PCDH15: variants seen among roughly 807,000 people sequenced by gnomAD.
The protein encoded by PCDH15 is protocadherin-15.
Under a neutral mutation model 178.5 loss-of-function variants are expected in PCDH15, and 129 were observed. The observed-to-expected ratio is 0.72, with a 90% confidence interval of 0.63 to 0.84. The LOEUF (loss-of-function observed/expected upper bound fraction) is 0.84, where lower values mean the gene tolerates loss of function less well. Ranked by LOEUF, PCDH15 falls within the 40% of genes least tolerant of loss-of-function variation. PCDH15 has a pLI of 0.00. For missense variants in PCDH15, 2,230 were observed against 2,099.9 expected (o/e 1.06, Z -1.21); for synonymous variants, 800 against 732.0 (o/e 1.09, Z -1.50).
intron 2 of PCDH15, among the ~76,000 whole-genome samples, chr10:55,334,870 T>C (rs901753130): frequency 2.0e-5 from 3 of 152,192 alleles, no homozygotes; most frequent in Admixed American, 1.3e-4. Context: ...TTATACAGAG[T>C]ATGCTGAATG....
chr10:54,529,395 T>C (rs1349926625), intron 2 of PCDH15, among the ~76,000 whole-genome samples: 2 of 152,128 alleles, frequency 1.3e-5, no homozygotes, highest in African/African-American at 4.8e-5. Context: ...CTTGTTCTCA[T>C]CCTGCATTCA....
At chr10:55,525,837 A>C (rs1230951062) in intron 2 of PCDH15, among the ~76,000 whole-genome samples, 1 of 151,898 alleles carries the variant, frequency 6.6e-6, no homozygotes, top group Non-Finnish European at 1.5e-5. Flanking sequence ...ATTAAGGTGA[A>C]ATCAATAATG....
At chr10:54,937,599 T>C (rs974226204) in intron 2 of PCDH15, among the ~76,000 whole-genome samples, 2 of 151,984 alleles carry the variant, frequency 1.3e-5, no homozygotes, top group Non-Finnish European at 1.5e-5. Flanking sequence ...ATTAATCACT[T>C]GGTTTAATTT....
chr10:54,327,947 G>C (rs1397608635), intron 7 of PCDH15, among the ~76,000 whole-genome samples: 1 of 152,000 alleles, frequency 6.6e-6, no homozygotes, highest in Non-Finnish European at 1.5e-5. Context: ...TTGTACATTG[G>C]TTACAATTGA....
intron 1 of PCDH15, among the ~76,000 whole-genome samples, chr10:54,673,893 TAACACGAATAGAGTAGAA>T (rs2094728329): frequency 6.6e-6 from 1 of 152,208 alleles, no homozygotes; most frequent in African/African-American, 2.4e-5. Context: ...AACATTTATT[TAACACGAATAGAGTAGAA>T]AATGTGTACT....
At chr10:54,984,835 T>A (rs1488021175) in intron 2 of PCDH15, among the ~76,000 whole-genome samples, 1 of 152,146 alleles carries the variant, frequency 6.6e-6, no homozygotes, top group Non-Finnish European at 1.5e-5. Context: ...AGATCTTGTC[T>A]CCAAAAAAAT....
chr10:54,373,384 CTG>C (rs1313974728), intron 4 of PCDH15, among the ~76,000 whole-genome samples: 1 of 151,848 alleles, frequency 6.6e-6, no homozygotes, highest in Non-Finnish European at 1.5e-5. Context: ...AAATAAGACA[CTG>C]TGTGTTTTAG....
At chr10:54,334,197 A>T (rs1281206869) in intron 6 of PCDH15, among the ~76,000 whole-genome samples, 1 of 152,194 alleles carries the variant, frequency 6.6e-6, no homozygotes, top group Non-Finnish European at 1.5e-5. Flanking sequence ...CAGTTCAGTG[A>T]CAACAACTGT....
chr10:55,532,738 T>G lies in PCDH15; in HGVS notation c.-156+94887A>C, dbSNP rs571060814. 2.6e-5 allele frequency among the ~76,000 whole-genome samples: 4 copies of G among 152,122 alleles called. No homozygotes were observed. In the Admixed American group the frequency reaches 2.6e-4, roughly 10 times the overall value. ...ATTGGTGTCAAGATGGGAACAGGTG[T>G]TTGGCTGGAGAATTCCTGCACATCA... On this transcript the variant is annotated intron_variant, in intron 2 of 5. Transcript: ENST00000613346.
At chr10:53,988,375 A>G (rs1474527032) in intron 21 of PCDH15, among the ~76,000 whole-genome samples, 1 of 152,136 alleles carries the variant, frequency 6.6e-6, no homozygotes, top group Non-Finnish European at 1.5e-5. Flanking sequence ...TGTGGGTGCC[A>G]ATTTTTCTCA....
intron 26 of PCDH15, among the ~76,000 whole-genome samples, chr10:53,889,154 G>A (rs2081383479): frequency 6.6e-6 from 1 of 151,810 alleles, no homozygotes; most frequent in South Asian, 2.1e-4. Flanking sequence ...TCATGTTTTT[G>A]TGTTACTCAA....
At chr10:54,070,649 A>G (rs1565180656) in intron 17 of PCDH15, among the ~76,000 whole-genome samples, 1 of 151,994 alleles carries the variant, frequency 6.6e-6, no homozygotes, top group East Asian at 1.9e-4. Context: ...GGAGTGCAGT[A>G]TGTGATCATA....
intron 2 of PCDH15, among the ~76,000 whole-genome samples, chr10:55,397,294 C>G (rs980246649): frequency 6.6e-6 from 1 of 152,086 alleles, no homozygotes; most frequent in Non-Finnish European, 1.5e-5. Flanking sequence ...GTTAAGAAAA[C>G]TCGAAATTTT....
intron 2 of PCDH15, among the ~76,000 whole-genome samples, chr10:55,547,303 A>G (rs889993942): frequency 1.3e-5 from 2 of 152,328 alleles, no homozygotes; most frequent in Middle Eastern, 3.4e-3. Flanking sequence ...AGAGCATACG[A>G]TAAACAATTA....
intron 3 of PCDH15, among the ~76,000 whole-genome samples, chr10:54,462,514 T>TC (rs1554983614): frequency 7.9e-5 from 2 of 25,268 alleles, no homozygotes; most frequent in Non-Finnish European, 2.2e-4. Flanking sequence ...TTTCTTTTCT[T>TC]TTTTTTTTTT....
At chr10:53,812,290 C>G (rs1234321445) in intron 35 of PCDH15, among the ~76,000 whole-genome samples, 2 of 152,164 alleles carry the variant, frequency 1.3e-5, no homozygotes, top group Non-Finnish European at 2.9e-5. Context: ...TCACTACAGG[C>G]TCTGCCTCCA....
chr10:54,485,739 G>A (rs559865527), intron 3 of PCDH15, among the ~76,000 whole-genome samples: 1 of 152,036 alleles, frequency 6.6e-6, no homozygotes, highest in African/African-American at 2.4e-5. Context: ...CAAAAGTCTA[G>A]CCTTCAGCAG....
rs533926666 is a variant in PCDH15, at chr10:54,315,679, T to G, written c.876+1592A>C. Among the ~76,000 whole-genome samples the G allele has an allele frequency of 1.7e-3, 248 of 150,164 alleles. 1 individual carries two copies. Among genetic ancestry groups the G allele is most frequent in the African/African-American group, 5.9e-3 (241 of 40,886 alleles). Reference sequence around the variant, plus strand: ...AGTTTGGAGTTTTACATTTAAGTCTTTAATCCATCTTGAGTTGATTTTTGG... The same window carrying G: ...AGTTTGGAGTTTTACATTTAAGTCTGTAATCCATCTTGAGTTGATTTTTGG... On this transcript the variant is annotated intron_variant, in intron 8 of 37. Coordinates refer to ENST00000644397, the MANE Select transcript of PCDH15 (RefSeq NM_001384140.1).
intron 14 of PCDH15, among the ~76,000 whole-genome samples, chr10:54,137,772 G>A (rs183198781): frequency 6.3e-4 from 96 of 152,252 alleles, no homozygotes; most frequent in African/African-American, 2.1e-3. Flanking sequence ...CTTCTTCTTT[G>A]ACAATTGTTG....
Sources: allele counts gnomAD v4.1 joint callset (sites outside exome capture counted in the v4.1 genomes callset), GRCh38; gene constraint gnomAD v4.1.1; transcripts MANE v1.5; gene names NCBI Gene and HGNC (gene_info 2026-07-23, HGNC 2026-07-21).